MSH3: variants seen among roughly 807,000 people sequenced by gnomAD.
The protein encoded by MSH3 is DNA mismatch repair protein Msh3.
MSH3 carries 106 observed loss-of-function variants against 123.3 expected under a neutral mutation model. The ratio of observed to expected loss-of-function variants is 0.86; its 90% CI spans 0.73 to 1.01. The LOEUF (loss-of-function observed/expected upper bound fraction) is 1.01. MSH3 is among the 50% of genes least tolerant of loss of function. The pLI is 0.00. For synonymous variants in MSH3, 515 were observed against 481.4 expected, an observed-to-expected ratio of 1.07 and a Z score of -0.91; for missense variants, 1,459 against 1,347.6, an observed-to-expected ratio of 1.08 and a Z score of -1.29.
chr5:80,863,721 A>G (rs1746051490), intron 21 of MSH3, among the ~76,000 whole-genome samples: 1 of 152,058 alleles, frequency 6.6e-6, no homozygotes, highest in Non-Finnish European at 1.5e-5. Context: ...AACTCCAAGC[A>G]GGGGCTTCCA....
intron 20 of MSH3, among the ~76,000 whole-genome samples, chr5:80,832,116 C>CA (rs964630957): frequency 4.7e-4 from 41 of 86,828 alleles, no homozygotes; most frequent in African/African-American, 1.2e-3. Flanking sequence ...TCTCAAAAAA[C>CA]AAAAAAACAA....
At chr5:80,769,092 A>G (rs981896222) in intron 15 of MSH3, 89 bp downstream of exon 15, 1 of 1,186,234 alleles carries the variant, frequency 8.4e-7, no homozygotes. Context: ...AGGATAGGAT[A>G]TGTATTATCT....
intron 2 of MSH3, among the ~76,000 whole-genome samples, chr5:80,658,745 C>T (rs1749355178): frequency 6.6e-6 from 1 of 151,436 alleles, no homozygotes; most frequent in Non-Finnish European, 1.5e-5. Context: ...GTGCATGCCA[C>T]CATGCCTGGC....
At chr5:80,655,002 T>C in intron 1 of MSH3, 38 bp downstream of exon 1, 3 of 1,124,874 alleles carry the variant, frequency 2.7e-6, no homozygotes, top group Non-Finnish European at 2.4e-6. Flanking sequence ...CCATCGGGGC[T>C]GGGGGGGCGG....
At position 80,760,393 on chromosome 5, in the gene MSH3, C is replaced by T. The variant is rs923199772; in HGVS notation, c.1764-1153C>T. ...TGATACATTTAGTCCATCAGATTTC[C>T]GTTTTAAGTTGAGTCATCACTTAAG... On this transcript the variant is annotated intron_variant, in intron 12 of 23. Transcript: ENST00000265081. 4.6e-5 allele frequency among the ~76,000 whole-genome samples: 7 copies of T among 152,130 alleles called. No individual in the cohort carries two copies. The South Asian group carries it at 6.2e-4, about 14-fold the overall frequency.
At chr5:80,692,206 A>G (rs1208563131) in intron 8 of MSH3, among the ~76,000 whole-genome samples, 2 of 125,144 alleles carry the variant, frequency 1.6e-5, no homozygotes, top group African/African-American at 6.0e-5. Flanking sequence ...GTTTAGATAG[A>G]TAAACATGTA....
At chr5:80,795,160 G>A (rs1744675483) in intron 19 of MSH3, among the ~76,000 whole-genome samples, 1 of 152,172 alleles carries the variant, frequency 6.6e-6, no homozygotes, top group Non-Finnish European at 1.5e-5. Context: ...GTGAGCAGAG[G>A]TGGCAGAGAT....
intron 8 of MSH3, among the ~76,000 whole-genome samples, chr5:80,690,787 A>T (rs1290793213): frequency 1.3e-5 from 2 of 152,206 alleles, no homozygotes; most frequent in African/African-American, 4.8e-5. Context: ...CCTTAACCTA[A>T]GATCATGAAA....
intron 20 of MSH3, among the ~76,000 whole-genome samples, chr5:80,843,285 G>A (rs377634211): frequency 9.2e-5 from 14 of 152,214 alleles, no homozygotes; most frequent in African/African-American, 3.4e-4. Context: ...GCTTTTTGAT[G>A]TGCTGCTGGA....
intron 15 of MSH3, among the ~76,000 whole-genome samples, chr5:80,769,379 G>T (rs777881989): frequency 6.6e-6 from 1 of 151,982 alleles, no homozygotes; most frequent in Admixed American, 6.6e-5. Context: ...GTGTTGATTG[G>T]CTCATACAGT....
At chr5:80,756,503 T>C (rs1743928507) in intron 12 of MSH3, among the ~76,000 whole-genome samples, 1 of 152,082 alleles carries the variant, frequency 6.6e-6, no homozygotes, top group East Asian at 1.9e-4. Flanking sequence ...CACCCTCCAT[T>C]TTCCACTAAT....
At chr5:80,709,428 C>T (rs1259257297) in intron 8 of MSH3, among the ~76,000 whole-genome samples, 1 of 152,154 alleles carries the variant, frequency 6.6e-6, no homozygotes, top group African/African-American at 2.4e-5. Flanking sequence ...CGAGACCATC[C>T]TGGCTAACAT....
At chr5:80,707,731 CAAAA>C (rs1379871382) in intron 8 of MSH3, among the ~76,000 whole-genome samples, 1 of 151,972 alleles carries the variant, frequency 6.6e-6, no homozygotes, top group Non-Finnish European at 1.5e-5. Context: ...GACCCTGTCT[CAAAA>C]AAACAAAACA....
At chr5:80,792,289 C>T (rs1580053452) in intron 18 of MSH3, among the ~76,000 whole-genome samples, 1 of 152,086 alleles carries the variant, frequency 6.6e-6, no homozygotes, top group South Asian at 2.1e-4. Flanking sequence ...GTCCCAGCCT[C>T]CTCAAGAAGC....
At chr5:80,705,479 A>G (rs1750701128) in intron 8 of MSH3, among the ~76,000 whole-genome samples, 1 of 152,236 alleles carries the variant, frequency 6.6e-6, no homozygotes, top group Non-Finnish European at 1.5e-5. Context: ...ATACTACCAC[A>G]GCTCTCTCTT....
intron 20 of MSH3, among the ~76,000 whole-genome samples, chr5:80,832,116 CAAAAAA>C (rs964630957): frequency 5.8e-5 from 5 of 86,828 alleles, no homozygotes; most frequent in Non-Finnish European, 8.7e-5. Flanking sequence ...TCTCAAAAAA[CAAAAAA>C]ACAAAAAAAC....
At chr5:80,739,368 A>AT (rs1369005848) in intron 10 of MSH3, among the ~76,000 whole-genome samples, 1 of 152,222 alleles carries the variant, frequency 6.6e-6, no homozygotes, top group Non-Finnish European at 1.5e-5. Flanking sequence ...AATGTTTTAC[A>AT]TTTTATAACT....
chr5:80,714,771 A>G (rs1750925218), intron 8 of MSH3, among the ~76,000 whole-genome samples: 1 of 152,206 alleles, frequency 6.6e-6, no homozygotes, highest in African/African-American at 2.4e-5. Context: ...GTCTAAAAAC[A>G]TTGTGGAGCT....
At chr5:80,655,658 C>G (rs1390850091) in intron 1 of MSH3, 1 of 181,232 alleles carries the variant, frequency 5.5e-6, no homozygotes, top group African/African-American at 2.4e-5. Context: ...GTCACCTGCA[C>G]AGTATTTTTC....
Sources: gnomAD v4.1 joint callset for allele counts (sites outside exome capture counted in the v4.1 genomes callset) on GRCh38, gnomAD v4.1.1 for gene constraint, MANE v1.5 for transcripts, NCBI Gene and HGNC (gene_info 2026-07-23, HGNC 2026-07-21) for gene names.